Variants in GMPR observed in about 807,000 individuals in gnomAD.
GMPR encodes the protein guanosine monophosphate reductase, also known as GMP reductase 1.
In GMPR, 31 loss-of-function variants were observed where a neutral mutation model predicts 38.4. That is an observed-to-expected ratio of 0.81 (90% CI 0.61 to 1.09). The LOEUF (loss-of-function observed/expected upper bound fraction) is 1.09, where lower values mean the gene tolerates loss of function less well. Ranked by LOEUF, GMPR falls within the 50% of genes least tolerant of loss-of-function variation. GMPR has a pLI of 0.00. For synonymous variants in GMPR, 162 were observed against 173.3 expected (o/e 0.93, Z 0.51); for missense variants, 468 against 453.7 (o/e 1.03, Z -0.29).
chr6:16,266,241 T>G (rs1242690276), intron 4 of GMPR, among the ~76,000 whole-genome samples: 1 of 151,790 alleles, frequency 6.6e-6, no homozygotes, highest in Non-Finnish European at 1.5e-5. Flanking sequence ...GCGCACCACC[T>G]TTAAGAGCTG....
At chr6:16,266,026 C>T (rs1479975160) in intron 4 of GMPR, among the ~76,000 whole-genome samples, 3 of 151,950 alleles carry the variant, frequency 2.0e-5, no homozygotes, top group Non-Finnish European at 2.9e-5. Context: ...TGTGGCTTCA[C>T]TGCTGAAGTC....
chr6:16,292,035 G>A (rs893306272), intron 8 of GMPR, among the ~76,000 whole-genome samples: 1 of 152,198 alleles, frequency 6.6e-6, no homozygotes, highest in Admixed American at 6.5e-5. Context: ...AGGAGCAAAG[G>A]TTCTCCATCT....
At chr6:16,285,033 C>CA (rs11370216) in intron 6 of GMPR, among the ~76,000 whole-genome samples, 23,434 of 108,572 alleles carry the variant, frequency 0.22, 2,642 homozygotes, top group East Asian at 0.62. Context: ...AAAAAAAAAA[C>CA]AAAAAAAAAA....
intron 4 of GMPR, among the ~76,000 whole-genome samples, chr6:16,268,081 G>A (rs1275565702): frequency 2.6e-5 from 4 of 152,212 alleles, no homozygotes; most frequent in Non-Finnish European, 4.4e-5. Context: ...CCTCCCCTGA[G>A]GTACAAGGGG....
At chr6:16,242,651 T>C in intron 1 of GMPR, among the ~76,000 whole-genome samples, 1 of 152,190 alleles carries the variant, frequency 6.6e-6, no homozygotes, top group East Asian at 1.9e-4. Flanking sequence ...TTATTTATTT[T>C]TTTTGAGAAG....
chr6:16,241,336 A>C (rs1758644696), intron 1 of GMPR, among the ~76,000 whole-genome samples: 1 of 152,156 alleles, frequency 6.6e-6, no homozygotes, highest in African/African-American at 2.4e-5. Context: ...TATAGCAGGA[A>C]ACGGACAGTA....
chr6:16,256,772 A>G (rs1156572354), intron 4 of GMPR, among the ~76,000 whole-genome samples: 1 of 152,192 alleles, frequency 6.6e-6, no homozygotes, highest in Non-Finnish European at 1.5e-5. Context: ...GGGTGCTAAG[A>G]GAATCTTTTG....
chr6:16,265,339 G>T (rs1486570070), intron 4 of GMPR, among the ~76,000 whole-genome samples: 4 of 152,166 alleles, frequency 2.6e-5, no homozygotes, highest in South Asian at 4.1e-4. Flanking sequence ...GAGAGCTCAG[G>T]GAGCCTTCTG....
At chr6:16,290,435 G>T (rs747530980) in intron 7 of GMPR, 27 bp from the exon 8 acceptor site, 12 of 1,608,440 alleles carry the variant, frequency 7.5e-6, no homozygotes, top group Non-Finnish European at 9.4e-6. Context: ...TCTGCTACTC[G>T]CTTTCATCCC....
intron 7 of GMPR, among the ~76,000 whole-genome samples, chr6:16,288,422 T>C (rs1054992181): frequency 3.3e-5 from 5 of 152,320 alleles, no homozygotes; most frequent in Admixed American, 3.3e-4. Context: ...GAGGGTGTGC[T>C]GGGTCCTCCA....
intron 1 of GMPR, among the ~76,000 whole-genome samples, chr6:16,240,833 A>G (rs926364793): frequency 6.6e-6 from 1 of 152,204 alleles, no homozygotes; most frequent in Middle Eastern, 3.4e-3. Flanking sequence ...TTGTATTTTT[A>G]TGTTCGTGGG....
chr6:16,267,138 C>A (rs758806594), intron 4 of GMPR, among the ~76,000 whole-genome samples: 1 of 151,810 alleles, frequency 6.6e-6, no homozygotes, highest in South Asian at 2.1e-4. Flanking sequence ...CCGAGGTGGG[C>A]GGATCACCAG....
At chr6:16,266,433 C>T (rs1368163338) in intron 4 of GMPR, among the ~76,000 whole-genome samples, 1 of 75,248 alleles carries the variant, frequency 1.3e-5, no homozygotes, top group Non-Finnish European at 2.5e-5. Context: ...AAAAAGGTGG[C>T]ACGTCGGACG....
intron 4 of GMPR, among the ~76,000 whole-genome samples, chr6:16,264,956 C>T (rs1226860624): frequency 1.3e-5 from 2 of 152,112 alleles, no homozygotes; most frequent in Admixed American, 1.3e-4. Flanking sequence ...TAGAGAACAC[C>T]TTTGTCAGAA....
At chr6:16,279,734 G>A (rs528115595) in intron 6 of GMPR, among the ~76,000 whole-genome samples, 5 of 152,344 alleles carry the variant, frequency 3.3e-5, no homozygotes, top group Admixed American at 1.3e-4. Flanking sequence ...GCAGGCGTGA[G>A]GGGCAGCAGG....
At position 16,246,921 on chromosome 6, in the gene GMPR, ACACTGTGGG is replaced by A. The variant is rs772248295; in HGVS notation, c.171_179del (p.Val58_Thr60del). ...ATTCCCATCATCGTGGCCAACATGG[ACACTGTGGG>A]CACGTTTGAGATGGCAGCCGTGATG... is the stretch of plus-strand genomic sequence containing the variant. On this transcript the variant is annotated inframe_deletion, in exon 2 of 9. Coordinates refer to ENST00000259727, the MANE Select transcript of GMPR (RefSeq NM_006877.4). The A allele has an allele frequency of 3.0e-5, 49 of 1,613,564 alleles. No individual in the cohort carries two copies. Among genetic ancestry groups the A allele is most frequent in the Non-Finnish European group, 4.0e-5 (47 of 1,179,654 alleles).
intron 6 of GMPR, among the ~76,000 whole-genome samples, chr6:16,282,157 A>G (rs1285018938): frequency 6.6e-6 from 1 of 152,214 alleles, no homozygotes. Flanking sequence ...AAAGGAAGCC[A>G]CAACATGGTG....
chr6:16,292,003 A>G lies in GMPR; in HGVS notation c.857+1382A>G, dbSNP rs531041963. On this transcript the variant is annotated intron_variant, in intron 8 of 8. Coordinates refer to ENST00000259727, the MANE Select transcript of GMPR (RefSeq NM_006877.4). Reference sequence around the variant, plus strand: ...ACTCTCATCAGGGTTAGCGCCGATGACAAGCTATACAAAATGGGTACAGGA... The same window carrying G: ...ACTCTCATCAGGGTTAGCGCCGATGGCAAGCTATACAAAATGGGTACAGGA... 1.4e-4 allele frequency among the ~76,000 whole-genome samples: 21 copies of G among 152,138 alleles called. No homozygotes were observed. The South Asian group carries it at 3.7e-3, about 27-fold the overall frequency.
At position 16,295,043 on chromosome 6, in the gene GMPR, G is replaced by C. The variant is rs1759910406; in HGVS notation, c.895G>C (p.Gly299Arg). Residue 299 changes from glycine to arginine, a missense_variant, in exon 9 of 9, where the codon GGA becomes CGA. By Grantham distance (125) the Gly-to-Arg change is moderately radical. Transcript: ENST00000259727. The part of the protein sequence containing the change: ...EGKTVEVPYK[G>R]DVENTILDIL... ...TAAGACTGTGGAAGTTCCTTACAAA[G>C]GAGATGTGGAAAACACTATCCTGGA... The C allele has an allele frequency of 6.2e-7, 1 of 1,609,416 alleles. No individual in the cohort carries two copies. Among genetic ancestry groups the C allele is most frequent in the Admixed American group, 1.7e-5 (1 of 59,072 alleles).
Sources: gnomAD v4.1 joint callset for allele counts (sites outside exome capture counted in the v4.1 genomes callset) on GRCh38, gnomAD v4.1.1 for gene constraint, MANE v1.5 for transcripts, NCBI Gene and HGNC (gene_info 2026-07-23, HGNC 2026-07-21) for gene names.